PRH1: variants seen among roughly 807,000 people sequenced by gnomAD.
PRH1 encodes the protein proline rich protein HaeIII subfamily 1.
In PRH1, 7 loss-of-function variants were observed where a neutral mutation model predicts 7.9. That is an observed-to-expected ratio of 0.89 (90% CI 0.50 to 1.67). The LOEUF (loss-of-function observed/expected upper bound fraction) is 1.67, where lower values mean the gene tolerates loss of function less well. Ranked by LOEUF, PRH1 falls within the 40% of genes most tolerant of loss-of-function variation. PRH1 has a pLI of 0.00. For missense variants in PRH1, 109 were observed against 223.6 expected (o/e 0.49, Z 3.27); for synonymous variants, 45 against 80.8 (o/e 0.56, Z 2.38).
At chr12:11,066,053 C>G (rs1456454172) in intron 1 of PRH1, among the ~76,000 whole-genome samples, 4 of 152,192 alleles carry the variant, frequency 2.6e-5, no homozygotes, top group Non-Finnish European at 4.4e-5. Context: ...GAAATCAAGA[C>G]TTCTTCATTT....
chr12:10,925,255 A>G (rs190549140), intron 2 of PRH1, among the ~76,000 whole-genome samples: 1 of 152,240 alleles, frequency 6.6e-6, no homozygotes, highest in African/African-American at 2.4e-5. Context: ...TAATAATATC[A>G]ATGACCCGGA....
intron 1 of PRH1, among the ~76,000 whole-genome samples, chr12:11,138,478 T>C (rs886353909): frequency 1.2e-4 from 18 of 152,194 alleles, no homozygotes; most frequent in Non-Finnish European, 4.4e-5. Context: ...ATTGTGAAAT[T>C]AGAATGCTAA....
At chr12:10,969,314 T>C (rs1938675220) in intron 2 of PRH1, among the ~76,000 whole-genome samples, 1 of 151,890 alleles carries the variant, frequency 6.6e-6, no homozygotes, top group Admixed American at 6.6e-5. Context: ...CGGTGGAGCC[T>C]GGGGTTTTAT....
At chr12:11,078,495 A>G (rs1274082405) in intron 1 of PRH1, 2 of 149,856 alleles carry the variant, frequency 1.3e-5, no homozygotes, top group African/African-American at 5.1e-5. Flanking sequence ...TTCATATACT[A>G]TCTGTCCCTG....
At chr12:10,994,377 C>T (rs1940103193) in intron 1 of PRH1, among the ~76,000 whole-genome samples, 1 of 152,224 alleles carries the variant, frequency 6.6e-6, no homozygotes, top group African/African-American at 2.4e-5. Flanking sequence ...TCTCCGTCCT[C>T]TGTTGCTTCC....
intron 1 of PRH1, among the ~76,000 whole-genome samples, chr12:11,008,740 T>C (rs919486581): frequency 3.3e-5 from 5 of 152,224 alleles, no homozygotes; most frequent in Admixed American, 2.6e-4. Context: ...TATTGTTTAA[T>C]TTTATGAATT....
chr12:10,909,138 G>T, intron 2 of PRH1: 7 of 1,613,896 alleles, frequency 4.3e-6, no homozygotes, highest in Non-Finnish European at 5.9e-6. Context: ...CCCAATTCTG[G>T]AGATTGCCAA....
At chr12:10,922,978 G>C (rs1003929636) in intron 2 of PRH1, among the ~76,000 whole-genome samples, 27 of 149,548 alleles carry the variant, frequency 1.8e-4, no homozygotes, top group Non-Finnish European at 3.0e-4. Context: ...ACAGGCGCCC[G>C]CCACCGCGCC....
chr12:11,024,107 C>G (rs1282051230), intron 1 of PRH1, among the ~76,000 whole-genome samples: 2 of 152,224 alleles, frequency 1.3e-5, no homozygotes, highest in African/African-American at 4.8e-5. Context: ...CAACTAAAAT[C>G]AGAAAGTTTC....
chr12:11,090,020 T>G (rs74062433), intron 1 of PRH1, among the ~76,000 whole-genome samples: 2,461 of 117,106 alleles, frequency 0.021, 577 homozygotes, highest in African/African-American at 0.066. Flanking sequence ...TTCCTTTTCA[T>G]TGGTTTACCA....
chr12:10,960,027 T>C (rs1246932231), intron 2 of PRH1, among the ~76,000 whole-genome samples: 1 of 152,234 alleles, frequency 6.6e-6, no homozygotes, highest in South Asian at 2.1e-4. Context: ...ACATGAAGAC[T>C]AACCATTGGC....
intron 1 of PRH1, chr12:11,022,096 T>G (rs745475288): frequency 6.2e-7 from 1 of 1,613,824 alleles, no homozygotes. Context: ...CACATTTCCT[T>G]CATATTCTTT....
intron 1 of PRH1, among the ~76,000 whole-genome samples, chr12:11,088,451 GAAGAA>G (rs1944781914): frequency 9.5e-6 from 1 of 104,930 alleles, no homozygotes; most frequent in Admixed American, 9.9e-5. Context: ...TAAAATACCA[GAAGAA>G]AAGAAATCAA....
At chr12:11,005,958 T>C (rs548559329) in intron 1 of PRH1, 2 of 152,242 alleles carry the variant, frequency 1.3e-5, no homozygotes, top group East Asian at 3.9e-4. Context: ...ATATTCACTT[T>C]TATTTTTCTG....
At chr12:11,168,029 T>A (rs940763020) in intron 1 of PRH1, among the ~76,000 whole-genome samples, 6 of 151,806 alleles carry the variant, frequency 4.0e-5, no homozygotes, top group Non-Finnish European at 8.8e-5. Context: ...ATCTTAATAA[T>A]CTGACAATTA....
intron 1 of PRH1, chr12:11,133,006 T>C (rs1946412409): frequency 1.4e-5 from 5 of 356,964 alleles, no homozygotes; most frequent in Admixed American, 4.2e-5. Context: ...AATACATGTA[T>C]GAAATAAACA....
intron 1 of PRH1, among the ~76,000 whole-genome samples, chr12:11,037,869 G>C (rs1490447966): frequency 6.6e-6 from 1 of 150,600 alleles, no homozygotes; most frequent in Non-Finnish European, 1.5e-5. Flanking sequence ...GCAAAACCTT[G>C]CCTCTAAAAA....
At chr12:11,068,442 C>T (rs1044815227) in intron 1 of PRH1, among the ~76,000 whole-genome samples, 2 of 152,176 alleles carry the variant, frequency 1.3e-5, no homozygotes, top group African/African-American at 2.4e-5. Flanking sequence ...CTGTTGTAAA[C>T]ATGTCTGTCT....
intron 1 of PRH1, among the ~76,000 whole-genome samples, chr12:11,004,241 T>G (rs754176213): frequency 2.0e-5 from 3 of 152,148 alleles, no homozygotes; most frequent in Non-Finnish European, 4.4e-5. Flanking sequence ...ACGCCTGTAA[T>G]CCCAGCACTT....
Sources: allele counts gnomAD v4.1 joint callset (sites outside exome capture counted in the v4.1 genomes callset), GRCh38; gene constraint gnomAD v4.1.1; transcripts MANE v1.5; gene names NCBI Gene and HGNC (gene_info 2026-07-23, HGNC 2026-07-21).